The following ARHGEF33 variants were observed in gnomAD, a reference collection of about 807,000 sequenced individuals.
ARHGEF33 encodes the protein Rho guanine nucleotide exchange factor 33.
In ARHGEF33, 72 loss-of-function variants were observed where a neutral mutation model predicts 101.9. That is an observed-to-expected ratio of 0.71 (90% CI 0.58 to 0.86). The LOEUF (loss-of-function observed/expected upper bound fraction) is 0.86, where lower values mean the gene tolerates loss of function less well. Among genes scored for constraint, ARHGEF33 ranks in the 40% least tolerant of loss-of-function variants. ARHGEF33 has a pLI of 0.00. For synonymous variants in ARHGEF33, 499 were observed against 442.5 expected, an observed-to-expected ratio of 1.13 and a Z score of -1.60; for missense variants, 1,169 against 1,111.3, an observed-to-expected ratio of 1.05 and a Z score of -0.74.
intron 11 of ARHGEF33, among the ~76,000 whole-genome samples, chr2:38,951,995 A>G (rs1270696098): frequency 6.6e-6 from 1 of 152,230 alleles, no homozygotes; most frequent in Non-Finnish European, 1.5e-5. Flanking sequence ...GCAGTGGAGC[A>G]GCTGTGTTGT....
intron 10 of ARHGEF33, among the ~76,000 whole-genome samples, chr2:38,945,863 A>G (rs2124405054): frequency 6.6e-6 from 1 of 152,318 alleles, no homozygotes; most frequent in South Asian, 2.1e-4. Flanking sequence ...TACCTTACAG[A>G]CGAAGGAACT....
In ARHGEF33 at chr2:38,941,770, T is replaced by C. The variant is rs191441280; in HGVS notation, c.791-2131T>C. On this transcript the variant is annotated intron_variant, in intron 9 of 17. Coordinates refer to ENST00000409978, the MANE Select transcript of ARHGEF33 (RefSeq NM_001145451.5). Reference sequence around the variant, plus strand: ...CCAGGTTGGCCAGGCTGGTCTCCAATTCCTGACCTCGTGATCCGCCCACCC... The same window carrying C: ...CCAGGTTGGCCAGGCTGGTCTCCAACTCCTGACCTCGTGATCCGCCCACCC... Among the ~76,000 whole-genome samples, 144 of 152,044 alleles carry C rather than the reference T, an allele frequency of 9.5e-4. 1 individual carries two copies. The highest frequency in any genetic ancestry group is 1.5e-3 in the Non-Finnish European group (103 of 67,950).
intron 2 of ARHGEF33, among the ~76,000 whole-genome samples, chr2:38,912,459 T>C (rs981207751): frequency 6.6e-6 from 1 of 152,148 alleles, no homozygotes; most frequent in Non-Finnish European, 1.5e-5. Context: ...GTTATTAAGC[T>C]CCCTTTTAAA....
chr2:38,908,318 A>C (rs1017306872), intron 2 of ARHGEF33, among the ~76,000 whole-genome samples: 19 of 152,304 alleles, frequency 1.2e-4, no homozygotes, highest in Admixed American at 9.1e-4. Flanking sequence ...AGGCTCACGA[A>C]ATCTGGTTCT....
chr2:38,956,814 C>A, intron 13 of ARHGEF33, 85 bp from the exon 14 acceptor site: 1 of 1,445,500 alleles, frequency 6.9e-7, no homozygotes, highest in Non-Finnish European at 9.4e-7. Context: ...GAATCTCCCA[C>A]AATAGATCAA....
intron 9 of ARHGEF33, among the ~76,000 whole-genome samples, chr2:38,943,063 G>T (rs1667353371): frequency 6.6e-6 from 1 of 152,148 alleles, no homozygotes; most frequent in South Asian, 2.1e-4. Flanking sequence ...GAGTAGCTGG[G>T]ATTACAGGCG....
intron 2 of ARHGEF33, among the ~76,000 whole-genome samples, chr2:38,907,043 A>T (rs533217932): frequency 3.9e-5 from 6 of 152,166 alleles, no homozygotes; most frequent in Non-Finnish European, 7.4e-5. Flanking sequence ...GGTATAAGAC[A>T]TGAGTTGCCC....
chr2:38,923,951 G>T (rs1451679299), intron 4 of ARHGEF33, among the ~76,000 whole-genome samples: 1 of 152,196 alleles, frequency 6.6e-6, no homozygotes, highest in Non-Finnish European at 1.5e-5. Context: ...AAAGAGATTT[G>T]AGAGTTCATC....
chr2:38,971,771 A>G (rs1668171276), intron 17 of ARHGEF33: 1 of 715,282 alleles, frequency 1.4e-6, no homozygotes, highest in Non-Finnish European at 2.6e-6. Flanking sequence ...CATTGGAGAC[A>G]TAGGGAAGGT....
intron 14 of ARHGEF33, chr2:38,957,823 A>G (rs10865145): frequency 0.5 from 276,562 of 550,136 alleles, 74,869 homozygotes; most frequent in East Asian, 0.66. Context: ...CCCTTCCCCC[A>G]AGCTCTTTTC....
Position 38,895,763 on chromosome 2 carries a change from T to C in ARHGEF33, c.-158-14T>C, listed in dbSNP as rs1666108655. 6.6e-6 allele frequency: 1 copy of C among 151,984 alleles called. No individual in the cohort carries two copies. The highest frequency in any genetic ancestry group is 2.1e-4 in the South Asian group (1 of 4,818). The allele number at this position is 151,984 out of a possible 1,614,324, so 9.4% of individuals were successfully genotyped here. A position where few individuals can be genotyped will look rare whatever the true frequency, so the allele number is the denominator to read the frequency against. ...TATCATTATCAATGGCGTTTTTTTT[T>C]TTTTTTTTTACAGAACTTCTAGAGA... On this transcript the variant is annotated splice_polypyrimidine_tract_variant and intron_variant, in intron 1 of 17. Transcript: ENST00000409978.
chr2:38,925,908 A>G (rs1666858578), intron 4 of ARHGEF33, among the ~76,000 whole-genome samples: 3 of 152,160 alleles, frequency 2.0e-5, no homozygotes, highest in Admixed American at 2.0e-4. Flanking sequence ...CATAAAACAC[A>G]AGTTGAAATT....
intron 17 of ARHGEF33, chr2:38,969,357 C>G (rs1489290062): frequency 5.9e-6 from 1 of 168,278 alleles, no homozygotes; most frequent in East Asian, 1.9e-4. Flanking sequence ...CCCCACAGCC[C>G]TCTGGAGGCT....
chr2:38,894,200 G>A (rs1449520142), intron 1 of ARHGEF33, among the ~76,000 whole-genome samples: 1 of 151,990 alleles, frequency 6.6e-6, no homozygotes, highest in Non-Finnish European at 1.5e-5. Flanking sequence ...AGGCATGGTG[G>A]CATGCACCTG....
intron 1 of ARHGEF33, among the ~76,000 whole-genome samples, chr2:38,893,724 G>A (rs1035373240): frequency 1.2e-4 from 19 of 152,184 alleles, no homozygotes; most frequent in Admixed American, 2.0e-4. Context: ...TGCCTTTTAT[G>A]TGGTATATGC....
intron 14 of ARHGEF33, among the ~76,000 whole-genome samples, chr2:38,957,298 A>C (rs1667791490): frequency 6.6e-6 from 1 of 152,212 alleles, no homozygotes; most frequent in African/African-American, 2.4e-5. Flanking sequence ...CCATGTTGCT[A>C]ACCACCTCAA....
intron 17 of ARHGEF33, among the ~76,000 whole-genome samples, chr2:38,971,542 A>G (rs768925697): frequency 3.9e-5 from 6 of 152,178 alleles, no homozygotes; most frequent in Non-Finnish European, 7.3e-5. Flanking sequence ...TAATTTAGGT[A>G]TGCAAGGTAT....
In ARHGEF33 at chr2:38,928,965, C is replaced by A; in HGVS notation, c.134C>A (p.Ser45Ter). The A allele has an allele frequency of 6.4e-7, 1 of 1,551,400 alleles. No homozygotes were observed. Among genetic ancestry groups the A allele is most frequent in the South Asian group, 1.2e-5 (1 of 83,982 alleles). The change falls in exon 5 of 18, where the codon TCA (serine) becomes TAA (stop). Residue 45 changes from serine to a stop codon, truncating the protein, a stop_gained. Coordinates refer to ENST00000409978, the MANE Select transcript of ARHGEF33 (RefSeq NM_001145451.5). LOFTEE classifies it high-confidence loss of function. ...TGFTEAMQEL[S>*]RIQHGEYALE... Reference sequence around the variant, plus strand: ...TTCACAGAAGCAATGCAAGAACTGTCAAGAATTCAACATGGAGAATATGCT... The same window carrying A: ...TTCACAGAAGCAATGCAAGAACTGTAAAGAATTCAACATGGAGAATATGCT...
Position 38,951,075 on chromosome 2 carries a change from G to T in ARHGEF33, c.1007G>T (p.Arg336Leu). 1 of 1,551,906 alleles carries T rather than the reference G, an allele frequency of 6.4e-7. No individual in the cohort carries two copies. The highest frequency in any genetic ancestry group is 8.7e-7 in the Non-Finnish European group (1 of 1,146,990). The part of the protein sequence containing the change: ...ALQERVLKWP[R>L]QGVLGDLFLK... The stretch of plus-strand genomic sequence containing the variant: ...CAGGAAAGGGTCCTGAAGTGGCCAC[G>T]CCAAGGCGTTCTTGGAGATTTATTC... Residue 336 changes from arginine (R) to leucine (L), a missense_variant, in exon 11 of 18, where the codon CGC (arginine) becomes CTC (leucine). Arg to Leu is a moderately radical substitution (Grantham distance 102). Transcript: ENST00000409978.
Sources: allele counts gnomAD v4.1 joint callset (sites outside exome capture counted in the v4.1 genomes callset), GRCh38; gene constraint gnomAD v4.1.1; transcripts MANE v1.5; gene names NCBI Gene and HGNC (gene_info 2026-07-23, HGNC 2026-07-21).